Variants in KCNQ1 observed in about 807,000 individuals in gnomAD.
KCNQ1 encodes potassium voltage-gated channel subfamily KQT member 1.
A neutral mutation model predicts 72.4 loss-of-function variants in KCNQ1; 49 were observed. The ratio of observed to expected loss-of-function variants is 0.68; its 90% CI spans 0.54 to 0.86. The LOEUF (loss-of-function observed/expected upper bound fraction) is 0.86. KCNQ1 is among the 40% of genes least tolerant of loss of function. KCNQ1 has a pLI of 0.00. For synonymous variants in KCNQ1, 450 were observed against 412.6 expected, an observed-to-expected ratio of 1.09 and a Z score of -1.10; for missense variants, 790 against 945.1, an observed-to-expected ratio of 0.84 and a Z score of 2.15.
intron 10 of KCNQ1, among the ~76,000 whole-genome samples, chr11:2,604,675 G>C (rs932000487): frequency 6.8e-4 from 104 of 151,858 alleles, no homozygotes; most frequent in African/African-American, 2.0e-3. Context: ...CTCCCAAGTA[G>C]CTGGGATTAC....
chr11:2,562,297 A>G lies in KCNQ1; in HGVS notation c.478-8331A>G, dbSNP rs1398389793. Among the ~76,000 whole-genome samples, 1 of 152,142 alleles carries G rather than the reference A, an allele frequency of 6.6e-6. No homozygotes were observed. Among genetic ancestry groups the G allele is most frequent in the African/African-American group, 2.4e-5 (1 of 41,434 alleles). On this transcript the variant is annotated intron_variant, in intron 2 of 15. Transcript: ENST00000155840. This position sits in a 1 kb window ranked among gnomAD's most constrained non-coding sequence, Gnocchi z 7.5. ...CTGGGGGCCCACAAGCTCTCAGCAC[A>G]GGCTGGCGGCTGGGAGCAGCTGGCC...
chr11:2,649,538 A>C, intron 10 of KCNQ1: 1 of 398,460 alleles, frequency 2.5e-6, no homozygotes, highest in South Asian at 1.3e-4. Context: ...ATTCTGCTTC[A>C]TTTCTGAAGG....
intron 15 of KCNQ1, among the ~76,000 whole-genome samples, chr11:2,799,732 G>T (rs1315525628): frequency 6.6e-6 from 1 of 152,120 alleles, no homozygotes; most frequent in Non-Finnish European, 1.5e-5. Context: ...TTTTTCCCTT[G>T]TGTTTGATTT....
rs752728475 is a variant in KCNQ1, at chr11:2,768,956, C to G, written c.1590+37C>G. On this transcript the variant is annotated intron_variant, in intron 12 of 15. Coordinates refer to ENST00000155840, the MANE Select transcript of KCNQ1 (RefSeq NM_000218.3). The surrounding 1 kb of genome is among the most constrained non-coding windows in gnomAD (Gnocchi z 6.7). ...GCTGAGCCTTCCTGCCCTCAGCCTG[C>G]CCCTCGCAGCCTGATGCAGCTGCCC... 2 of 1,520,746 alleles carry G rather than the reference C, an allele frequency of 1.3e-6. No homozygotes were observed. Among genetic ancestry groups the G allele is most frequent in the Admixed American group, 3.3e-5 (2 of 59,782 alleles). 94.2% of individuals were successfully genotyped at this position (1,520,746 alleles called of 1,614,324 possible). A position where few individuals can be genotyped will look rare whatever the true frequency, so the allele number is the denominator to read the frequency against.
chr11:2,547,844 G>A lies in KCNQ1; in HGVS notation c.477+19826G>A, dbSNP rs2283157. Reference sequence around the variant, plus strand: ...GTCTCTGTATGGAGGTGAAGGTCCAGATGTTGGGGTTTCAGGGTCAAGCAT... The same window carrying A: ...GTCTCTGTATGGAGGTGAAGGTCCAAATGTTGGGGTTTCAGGGTCAAGCAT... On this transcript the variant is annotated intron_variant, in intron 2 of 15. Coordinates refer to ENST00000155840, the MANE Select transcript of KCNQ1 (RefSeq NM_000218.3). This position sits in a 1 kb window ranked among gnomAD's most constrained non-coding sequence, Gnocchi z 4.2. 6.6e-6 allele frequency among the ~76,000 whole-genome samples: 1 copy of A among 152,234 alleles called. No individual in the cohort carries two copies. The highest frequency in any genetic ancestry group is 2.4e-5 in the African/African-American group (1 of 41,464).
chr11:2,839,080 G>A (rs1368948970), intron 15 of KCNQ1, among the ~76,000 whole-genome samples: 5 of 152,318 alleles, frequency 3.3e-5, no homozygotes, highest in East Asian at 3.9e-4. Flanking sequence ...CCCCTGCCTG[G>A]CGTCTGCCGG....
At chr11:2,470,326 TC>T (rs1441218659) in intron 1 of KCNQ1, among the ~76,000 whole-genome samples, 67 of 152,200 alleles carry the variant, frequency 4.4e-4, no homozygotes, top group Admixed American at 4.4e-3. Flanking sequence ...TTATATGTTT[TC>T]TTGAAAAGGG....
At chr11:2,839,117 G>C (rs1227852059) in intron 15 of KCNQ1, among the ~76,000 whole-genome samples, 1 of 152,218 alleles carries the variant, frequency 6.6e-6, no homozygotes, top group African/African-American at 2.4e-5. Context: ...CCGGGCTAGG[G>C]ATAGGCCAGC....
chr11:2,537,905 A>G lies in KCNQ1; in HGVS notation c.477+9887A>G, dbSNP rs10832270. ...TAATTTTTGTATTTTTTGTAGAGAT[A>G]GGGTTTTGCCATGTTACCTAGGCTG... On this transcript the variant is annotated intron_variant, in intron 2 of 15. Coordinates refer to ENST00000155840, the MANE Select transcript of KCNQ1 (RefSeq NM_000218.3). The surrounding 1 kb of genome is among the most constrained non-coding windows in gnomAD (Gnocchi z 5.2). Among the ~76,000 whole-genome samples, 78,363 of 151,890 alleles carry G rather than the reference A, an allele frequency of 0.52. 23,460 individuals carry two copies. Among genetic ancestry groups the G allele is most frequent in the Non-Finnish European group, 0.67 (45,259 of 67,926 alleles).
At chr11:2,667,560 C>T (rs1056147017) in intron 11 of KCNQ1, 1 of 128,752 alleles carries the variant, frequency 7.8e-6, no homozygotes, top group Non-Finnish European at 1.6e-5. Flanking sequence ...GGAGACACTT[C>T]TGGCAGTTGG....
intron 10 of KCNQ1, chr11:2,660,217 C>T: frequency 2.5e-6 from 1 of 397,952 alleles, no homozygotes. Flanking sequence ...GTATGTAGTA[C>T]CCTTTAAATT....
rs1848390287 is a variant in KCNQ1, at chr11:2,848,531, C to T, written c.*528C>T. ...CATTTGGAGGGCCTGGGCCTGGCTCCCTCACTCTCAGGAAATGCTGACCCA... is the reference window on the plus strand; with the variant it reads ...CATTTGGAGGGCCTGGGCCTGGCTCTCTCACTCTCAGGAAATGCTGACCCA... On this transcript the variant is annotated 3_prime_UTR_variant, in exon 16 of 16. Coordinates refer to ENST00000155840, the MANE Select transcript of KCNQ1 (RefSeq NM_000218.3). The T allele has an allele frequency of 2.2e-6, 1 of 454,594 alleles. No homozygotes were observed. 28.2% of individuals were successfully genotyped at this position (454,594 alleles called of 1,614,324 possible).
rs201207429 is a variant in KCNQ1, at chr11:2,588,689, A to G, written c.1252-24A>G. 2 of 1,612,324 alleles carry G rather than the reference A, an allele frequency of 1.2e-6. No individual in the cohort carries two copies. The highest frequency in any genetic ancestry group is 2.2e-5 in the East Asian group (1 of 44,826). On this transcript the variant is annotated intron_variant, in intron 9 of 15. Coordinates refer to ENST00000155840, the MANE Select transcript of KCNQ1 (RefSeq NM_000218.3). This position sits in a 1 kb window ranked among gnomAD's most constrained non-coding sequence, Gnocchi z 5.6. ...TGGCAGACGATGTCCAGGAACCGCT[A>G]ATCTGTTGTCTTGTTTTTTTTAGGT...
At chr11:2,524,096 C>T (rs1211775670) in intron 1 of KCNQ1, among the ~76,000 whole-genome samples, 1 of 152,102 alleles carries the variant, frequency 6.6e-6, no homozygotes, top group Non-Finnish European at 1.5e-5. Context: ...TCCTGGGTTA[C>T]CCGGGTGAGC....
intron 9 of KCNQ1, 104 bp downstream of exon 9, chr11:2,587,796 G>T: frequency 6.7e-7 from 1 of 1,503,628 alleles, no homozygotes; most frequent in Non-Finnish European, 9.2e-7. Context: ...ATTTGGCTTG[G>T]TACAGCCTGT....
intron 11 of KCNQ1, among the ~76,000 whole-genome samples, chr11:2,733,832 T>TCTCA (rs1845901814): frequency 5.9e-5 from 2 of 33,858 alleles, no homozygotes; most frequent in African/African-American, 2.0e-4. Flanking sequence ...ACTCTCTCTC[T>TCTCA]CTCTCTCTCT....
In KCNQ1 at chr11:2,827,978, C is replaced by T. The variant is rs992208751; in HGVS notation, c.1795-19789C>T. Among the ~76,000 whole-genome samples the T allele has an allele frequency of 3.9e-5, 6 of 152,158 alleles. No individual in the cohort carries two copies. The highest frequency in any genetic ancestry group is 9.7e-5 in the African/African-American group (4 of 41,428). On this transcript the variant is annotated intron_variant, in intron 15 of 15. Coordinates refer to ENST00000155840, the MANE Select transcript of KCNQ1 (RefSeq NM_000218.3). This position sits in a 1 kb window ranked among gnomAD's most constrained non-coding sequence, Gnocchi z 6.7. ...GCCCTGAGTCCAAGCCAGGCACCAC[C>T]GGGCACATAGAGGTCTTGAAAGCTC... is the stretch of plus-strand genomic sequence containing the variant.
At position 2,611,182 on chromosome 11, in the gene KCNQ1, A is replaced by T; in HGVS notation, c.1393+22328A>T. 2.5e-6 allele frequency: 1 copy of T among 398,290 alleles called. No homozygotes were observed. The highest frequency in any genetic ancestry group is 4.4e-6 in the Non-Finnish European group (1 of 226,000). 24.7% of individuals were successfully genotyped at this position (398,290 alleles called of 1,614,324 possible). On this transcript the variant is annotated intron_variant, in intron 10 of 15. Transcript: ENST00000155840. This position sits in a 1 kb window ranked among gnomAD's most constrained non-coding sequence, Gnocchi z 5.3. ...AATGCTTCTCAGTATCTCTAATAAC[A>T]TGGTTTGTTTTTAAAGTCTATTTTG...
chr11:2,762,548 G>A lies in KCNQ1; in HGVS notation c.1515-6296G>A, dbSNP rs1275536384. On this transcript the variant is annotated intron_variant, in intron 11 of 15. Transcript: ENST00000155840. This position sits in a 1 kb window ranked among gnomAD's most constrained non-coding sequence, Gnocchi z 4.3. ...TTGTGTGTCTAATGTCCTATTCCAC[G>A]GGTCCCCAGGCCACAGACCGGTACC... is the stretch of plus-strand genomic sequence containing the variant. Among the ~76,000 whole-genome samples the A allele has an allele frequency of 1.3e-5, 2 of 152,168 alleles. No homozygotes were observed. Among genetic ancestry groups the A allele is most frequent in the Non-Finnish European group, 2.9e-5 (2 of 68,028 alleles).
Sources: gnomAD v4.1 joint callset for allele counts (sites outside exome capture counted in the v4.1 genomes callset) on GRCh38, gnomAD v4.1.1 for gene constraint, Gnocchi (gnomAD v3.1) non-coding constraint, MANE v1.5 for transcripts, NCBI Gene and HGNC (gene_info 2026-07-23, HGNC 2026-07-21) for gene names.